Variants in PFKFB2 observed in about 807,000 individuals in gnomAD.
The protein encoded by PFKFB2 is 6-phosphofructo-2-kinase/fructose-2,6-bisphosphatase 2.
PFKFB2 carries 53 observed loss-of-function variants against 68.0 expected under a neutral mutation model. That is an observed-to-expected ratio of 0.78 (90% CI 0.63 to 0.98). The LOEUF is 0.98. PFKFB2 is among the 50% of genes least tolerant of loss of function. The pLI, the probability that PFKFB2 is intolerant of heterozygous loss-of-function variation, is 0.00. For missense variants in PFKFB2, 451 were observed against 642.0 expected (o/e 0.70, Z 3.22); for synonymous variants, 222 against 227.6 (o/e 0.98, Z 0.22).
In PFKFB2 at chr1:207,070,236, C is replaced by G. The variant is rs2079378214; in HGVS notation, c.1093-44C>G. On this transcript the variant is annotated intron_variant, in intron 11 of 14. Coordinates refer to ENST00000367080, the MANE Select transcript of PFKFB2 (RefSeq NM_006212.2). The surrounding 1 kb of genome is among the most constrained non-coding windows in gnomAD (Gnocchi z 4.2). ...GTCCAGCCACTGACTTGGCTGCCAG[C>G]TTGCACCTGGGCTCCTGCCAGCCTG... is the stretch of plus-strand genomic sequence containing the variant. 3 of 1,609,474 alleles carry G rather than the reference C, an allele frequency of 1.9e-6. No homozygotes were observed. In the South Asian group the frequency reaches 3.3e-5, roughly 18 times the overall value.
chr1:207,063,396 A>T lies in PFKFB2; in HGVS notation c.425A>T (p.Asn142Ile), dbSNP rs770491946. Residue 142 changes from asparagine to isoleucine, a missense_variant, in exon 6 of 15, where the codon AAC (asparagine) becomes ATC (isoleucine). Physicochemically the swap from Asn to Ile is moderately radical, Grantham distance 149. Coordinates refer to ENST00000367080, the MANE Select transcript of PFKFB2 (RefSeq NM_006212.2). This position sits in a 1 kb window ranked among gnomAD's most constrained non-coding sequence, Gnocchi z 4.1. ...CGGGAGAGGAGGGACATGATTTTGA[A>T]CTTTGCTGAACAGAATTCCTTCAAG... ...TTRERRDMIL[N>I]FAEQNSFKVF... The T allele has an allele frequency of 3.7e-6, 6 of 1,613,540 alleles. No homozygotes were observed. In the South Asian group the frequency reaches 6.6e-5, roughly 18 times the overall value.
chr1:207,059,272 A>T (rs1202839437), intron 2 of PFKFB2, among the ~76,000 whole-genome samples: 1 of 152,108 alleles, frequency 6.6e-6, no homozygotes, highest in Non-Finnish European at 1.5e-5. Context: ...TTCATTTTAA[A>T]CTTTAGGGAG....
intron 1 of PFKFB2, chr1:207,035,069 T>C (rs1682350802): frequency 1.4e-6 from 1 of 732,776 alleles, no homozygotes; most frequent in Non-Finnish European, 1.7e-6. Context: ...ATATAGGTCA[T>C]CATTTGAGGG....
In PFKFB2 at chr1:207,077,512, C is replaced by T. The variant is rs1208780429; in HGVS notation, c.*5141C>T. On this transcript the variant is annotated 3_prime_UTR_variant, in exon 15 of 15. Coordinates refer to ENST00000367080, the MANE Select transcript of PFKFB2 (RefSeq NM_006212.2). ...GGTGATGGTTTTGCTATGGCAAAAT[C>T]AAAGGGCTGATCATACATGGTGCCC... The T allele has an allele frequency of 1.0e-6, 1 of 985,500 alleles. No homozygotes were observed. Among genetic ancestry groups the T allele is most frequent in the East Asian group, 1.1e-4 (1 of 8,822 alleles). 61.0% of individuals were successfully genotyped at this position (985,500 alleles called of 1,614,324 possible). A position where few individuals can be genotyped will look rare whatever the true frequency, so the allele number is the denominator to read the frequency against.
chr1:207,060,730 C>T (rs918960568), intron 2 of PFKFB2: 4 of 152,128 alleles, frequency 2.6e-5, no homozygotes, highest in Admixed American at 2.6e-4. Context: ...ATTAGACCTT[C>T]CTTCACAGCT....
intron 2 of PFKFB2, among the ~76,000 whole-genome samples, chr1:207,043,321 TGATTA>T (rs1389239218): frequency 3.3e-5 from 5 of 152,216 alleles, no homozygotes; most frequent in African/African-American, 1.2e-4. Flanking sequence ...CTGTACAAAC[TGATTA>T]GATATTATTA....
chr1:207,036,543 C>T (rs1682380330), intron 1 of PFKFB2, among the ~76,000 whole-genome samples: 1 of 152,212 alleles, frequency 6.6e-6, no homozygotes, highest in South Asian at 2.1e-4. Flanking sequence ...AACTGTCTAC[C>T]TCTCTTTCAC....
chr1:207,062,181 T>C, intron 3 of PFKFB2, 103 bp downstream of exon 3: 2 of 1,472,452 alleles, frequency 1.4e-6, no homozygotes, highest in Non-Finnish European at 1.9e-6. Context: ...AGGGTGCTTT[T>C]GGCAGAAATA....
At chr1:207,052,328 G>C, upstream of PFKFB2, 1 of 1,118,050 alleles carries the variant, frequency 8.9e-7, no homozygotes, top group Non-Finnish European at 1.3e-6. Flanking sequence ...TACAGCCTGG[G>C]TTAGGGGGTA....
intron 1 of PFKFB2, chr1:207,034,982 A>C (rs1682349066): frequency 5.8e-6 from 1 of 172,578 alleles, no homozygotes; most frequent in African/African-American, 2.4e-5. Context: ...AGAGAGTTGG[A>C]AAGGAGGCCT....
Position 207,077,740 on chromosome 1 carries a change from C to T in PFKFB2, c.*5369C>T. The T allele has an allele frequency of 1.0e-6, 1 of 985,168 alleles. No homozygotes were observed. Among genetic ancestry groups the T allele is most frequent in the Non-Finnish European group, 1.2e-6 (1 of 829,310 alleles). 61.0% of individuals were successfully genotyped at this position (985,168 alleles called of 1,614,324 possible). On this transcript the variant is annotated 3_prime_UTR_variant, in exon 15 of 15. Coordinates refer to ENST00000367080, the MANE Select transcript of PFKFB2 (RefSeq NM_006212.2). ...GCCACTCAGATCCATTTAAAGTGTG[C>T]ATAACTGTATTTGAAATGTGTTTTT...
At chr1:207,059,404 G>C (rs970951947) in intron 2 of PFKFB2, among the ~76,000 whole-genome samples, 1 of 152,160 alleles carries the variant, frequency 6.6e-6, no homozygotes, top group Non-Finnish European at 1.5e-5. Flanking sequence ...CCGAGCTGGA[G>C]AAAGTGAAGA....
At chr1:207,042,537 C>G in intron 2 of PFKFB2, among the ~76,000 whole-genome samples, 1 of 87,590 alleles carries the variant, frequency 1.1e-5, no homozygotes, top group Non-Finnish European at 2.1e-5. Flanking sequence ...GACACAGCAA[C>G]ACTCTGTCTC....
In PFKFB2 at chr1:207,040,164, A is replaced by C. The variant is rs539740855; in HGVS notation, c.-61-2005A>C. Among the ~76,000 whole-genome samples, 12 of 152,332 alleles carry C rather than the reference A, an allele frequency of 7.9e-5. No individual in the cohort carries two copies. The South Asian group carries it at 2.5e-3, about 32-fold the overall frequency. ...GTGAGATAGGTAAGGGTTATTGGGA[A>C]TAATTTTGTCTACATTTTGTACTTA... On this transcript the variant is annotated intron_variant, in intron 1 of 5. Coordinates refer to the PFKFB2 transcript ENST00000545806.
At chr1:207,042,511 A>G (rs900762155) in intron 2 of PFKFB2, among the ~76,000 whole-genome samples, 2 of 130,864 alleles carry the variant, frequency 1.5e-5, no homozygotes, top group African/African-American at 2.9e-5. Context: ...TCACCCCACT[A>G]CGCTGCAGCC....
At chr1:207,079,059 G>A (rs995570403), downstream of PFKFB2, 2 of 1,539,236 alleles carry the variant, frequency 1.3e-6, no homozygotes, top group Non-Finnish European at 8.9e-7. Flanking sequence ...AAACGACTGG[G>A]ATCTACTGAA....
Position 207,063,115 on chromosome 1 carries a change from T to C in PFKFB2, c.309-28T>C. 1 of 1,601,374 alleles carries C rather than the reference T, an allele frequency of 6.2e-7. No homozygotes were observed. Among genetic ancestry groups the C allele is most frequent in the Non-Finnish European group, 8.6e-7 (1 of 1,168,666 alleles). On this transcript the variant is annotated intron_variant, in intron 4 of 14. Coordinates refer to ENST00000367080, the MANE Select transcript of PFKFB2 (RefSeq NM_006212.2). The surrounding 1 kb of genome is among the most constrained non-coding windows in gnomAD (Gnocchi z 4.1). ...TCTGACTGTTTGAGCTTAGCTCTCCTTGCTGGTTTCATTTGCTCTTATGGC... is the reference window on the plus strand; with the variant it reads ...TCTGACTGTTTGAGCTTAGCTCTCCCTGCTGGTTTCATTTGCTCTTATGGC...
At position 207,072,217 on chromosome 1, in the gene PFKFB2, A is replaced by G. The variant is rs1683484863; in HGVS notation, c.1364A>G (p.Lys455Arg). The stretch of plus-strand genomic sequence containing the variant: ...ATTTCCAATCAGAACAACTTCCCCA[A>G]GAACCAAACCCCTGTAAGGATGAGA... Reference protein sequence around the residue: ...HRDKPTNNFPKNQTPVRMRRN... With the variant: ...HRDKPTNNFPRNQTPVRMRRN... The change falls in exon 15 of 15, where the codon AAG (lysine) becomes AGG (arginine). Residue 455 changes from lysine (K) to arginine (R), a missense_variant. By Grantham distance (26) the Lys-to-Arg change is conservative. Transcript: ENST00000367080. 6.2e-7 allele frequency: 1 copy of G among 1,613,698 alleles called. No individual in the cohort carries two copies.
intron 2 of PFKFB2, among the ~76,000 whole-genome samples, chr1:207,058,836 A>G (rs1186086571): frequency 6.6e-6 from 1 of 152,192 alleles, no homozygotes; most frequent in Admixed American, 6.5e-5. Flanking sequence ...AAGGAAAATG[A>G]GTTTAAGTTT....
Sources: allele counts gnomAD v4.1 joint callset (sites outside exome capture counted in the v4.1 genomes callset), GRCh38; gene constraint gnomAD v4.1.1; non-coding constraint Gnocchi (gnomAD v3.1); transcripts MANE v1.5; gene names NCBI Gene and HGNC (gene_info 2026-07-23, HGNC 2026-07-21).